Variants in DMD observed in about 807,000 individuals in gnomAD.
The protein encoded by DMD is dystrophin.
In DMD, 63 loss-of-function variants were observed where a neutral mutation model predicts 330.1. The ratio of observed to expected loss-of-function variants is 0.19; its 90% CI spans 0.16 to 0.24. The LOEUF is 0.24. Among genes scored for constraint, DMD ranks in the 10% least tolerant of loss-of-function variants. The pLI, the probability that DMD is intolerant of heterozygous loss-of-function variation, is 1.00. For synonymous variants in DMD, 1,223 were observed against 959.8 expected (o/e 1.27, Z -5.07); for missense variants, 3,344 against 2,684.1 (o/e 1.25, Z -5.43).
At chrX:31,440,580 T>G (rs547225755) in intron 60 of DMD, among the ~76,000 whole-genome samples, 1 of 112,341 alleles carries the variant, frequency 8.9e-6, no homozygotes, top group African/African-American at 3.2e-5. Flanking sequence ...ACTGTGGTAC[T>G]TCATGTTTCT....
intron 47 of DMD, among the ~76,000 whole-genome samples, chrX:31,922,495 GGTGTGT>G (rs765621749): frequency 7.2e-5 from 7 of 97,497 alleles, no homozygotes; most frequent in South Asian, 4.7e-4. Flanking sequence ...ACTTGAGACT[GGTGTGT>G]GTGTGTGTGT....
chrX:33,118,112 C>CTTT (rs373799098), intron 1 of DMD, among the ~76,000 whole-genome samples: 1,821 of 90,371 alleles, frequency 0.02, 67 homozygotes, highest in African/African-American at 0.07. Context: ...GTTCAAGACT[C>CTTT]TTTTTTTTTT....
intron 64 of DMD, among the ~76,000 whole-genome samples, chrX:31,212,156 ATATATATATATGTGTGTGTGTATGTG>A (rs1477571563): frequency 3.9e-5 from 3 of 76,985 alleles, no homozygotes; most frequent in Admixed American, 1.5e-4. Flanking sequence ...TTATATATAT[ATATATATATATGTGTGTGTGTATGTG>A]TGTGTGTGTG....
At position 32,278,506 on chromosome X, in the gene DMD, T is replaced by A. The variant is rs139873896; in HGVS notation, c.6290+9023A>T. Among the ~76,000 whole-genome samples the A allele has an allele frequency of 2.4e-3, 264 of 111,093 alleles. 2 individuals carry two copies. The highest frequency in any genetic ancestry group is 9.5e-3 in the Admixed American group (99 of 10,403). On this transcript the variant is annotated intron_variant, in intron 43 of 78. Coordinates refer to ENST00000357033, the MANE Select transcript of DMD (RefSeq NM_004006.3). ...TCTGACAAAGGGCTAATATCCAGAA[T>A]CTACAATGAACTCAAACAAACGTAC...
intron 60 of DMD, among the ~76,000 whole-genome samples, chrX:31,399,174 T>C (rs2061076131): frequency 1.8e-5 from 2 of 109,845 alleles, no homozygotes; most frequent in South Asian, 8.1e-4. Context: ...CATGAACAAA[T>C]TGAAGATGGT....
chrX:32,067,351 T>C (rs1379877887), intron 44 of DMD, among the ~76,000 whole-genome samples: 5 of 111,117 alleles, frequency 4.5e-5, no homozygotes, highest in African/African-American at 1.6e-4. Flanking sequence ...TTATATGACA[T>C]CTTTTTTTTT....
At position 31,765,442 on chromosome X, in the gene DMD, T is replaced by C. The variant is rs778620191; in HGVS notation, c.7542+8518A>G. Among the ~76,000 whole-genome samples, 5 of 111,781 alleles carry C rather than the reference T, an allele frequency of 4.5e-5. No individual in the cohort carries two copies. In the East Asian group the frequency reaches 1.4e-3, roughly 31 times the overall value. On this transcript the variant is annotated intron_variant, in intron 51 of 78. Transcript: ENST00000357033. The stretch of plus-strand genomic sequence containing the variant: ...TAAGAGCAGATAACACTGATGCCTT[T>C]CACCAGCAAGTGTTCAATAAATAAC...
intron 75 of DMD, among the ~76,000 whole-genome samples, chrX:31,146,929 A>G (rs2242311): frequency 0.11 from 11,899 of 111,848 alleles, 1,061 homozygotes; most frequent in African/African-American, 0.29. Flanking sequence ...ACAAAGGTAT[A>G]CCAGAAAATA....
At chrX:32,811,598 G>A (rs1428020404) in intron 6 of DMD, among the ~76,000 whole-genome samples, 1 of 111,747 alleles carries the variant, frequency 8.9e-6, no homozygotes, top group Non-Finnish European at 1.9e-5. Flanking sequence ...CGAGAGAATG[G>A]ATGAGCACAT....
At chrX:33,263,438 A>AATAT (rs765418939) in intron 1 of DMD, among the ~76,000 whole-genome samples, 40 of 103,937 alleles carry the variant, frequency 3.8e-4, no homozygotes, top group African/African-American at 1.1e-3. Flanking sequence ...CTTTTTAAAA[A>AATAT]ATATATATAT....
chrX:32,567,343 C>A (rs1006680185), intron 15 of DMD, among the ~76,000 whole-genome samples: 1 of 112,213 alleles, frequency 8.9e-6, no homozygotes, highest in East Asian at 2.8e-4. Context: ...ATATTATACA[C>A]TGAATTCAAA....
chrX:31,850,278 T>C (rs924130619), intron 48 of DMD, among the ~76,000 whole-genome samples: 1 of 112,509 alleles, frequency 8.9e-6, no homozygotes, highest in Non-Finnish European at 1.9e-5. Context: ...AACCTACACT[T>C]TGTAAACATT....
In DMD at chrX:32,573,895, C is replaced by T. The variant is rs186987260; in HGVS notation, c.1603-49G>A. The stretch of plus-strand genomic sequence containing the variant: ...AGCATCAGCAAACAATTGGTAACTA[C>T]GTTTTATTAAAAATGGCATGAATAA... On this transcript the variant is annotated intron_variant, in intron 13 of 78. Coordinates refer to ENST00000357033, the MANE Select transcript of DMD (RefSeq NM_004006.3). 52 of 1,062,631 alleles carry T rather than the reference C, an allele frequency of 4.9e-5. No homozygotes were observed. The Admixed American group carries it at 7.0e-4, about 14-fold the overall frequency. The allele number at this position is 1,062,631 out of a possible 1,213,427, so 87.6% of individuals were successfully genotyped here.
At chrX:31,924,932 ATTT>A (rs757796527) in intron 47 of DMD, among the ~76,000 whole-genome samples, 2 of 112,247 alleles carry the variant, frequency 1.8e-5, no homozygotes, top group East Asian at 5.6e-4. Flanking sequence ...ATTTAAACTT[ATTT>A]AACAAAATGA....
chrX:32,380,764 TTCTG>T, intron 33 of DMD, 84 bp from the exon 34 acceptor site: 1 of 752,396 alleles, frequency 1.3e-6, no homozygotes, highest in Non-Finnish European at 2.0e-6. Flanking sequence ...ACTTTTATAT[TTCTG>T]TTATTTAAAA....
At chrX:32,781,742 A>G (rs979117627) in intron 7 of DMD, among the ~76,000 whole-genome samples, 1 of 111,115 alleles carries the variant, frequency 9.0e-6, no homozygotes, top group South Asian at 3.8e-4. Context: ...ACACACATAC[A>G]TCCGCATACT....
At chrX:31,566,682 T>C (rs751929118) in intron 55 of DMD, among the ~76,000 whole-genome samples, 24 of 111,852 alleles carry the variant, frequency 2.1e-4, no homozygotes, top group African/African-American at 7.8e-4. Flanking sequence ...TTAGATTGAT[T>C]TGAGAAGAAC....
At chrX:31,358,447 C>A (rs375859536) in intron 60 of DMD, among the ~76,000 whole-genome samples, 1 of 111,575 alleles carries the variant, frequency 9.0e-6, no homozygotes, top group Non-Finnish European at 1.9e-5. Context: ...GTGCACTGTG[C>A]CTCAACTCTC....
chrX:33,105,647 A>T (rs1038919330), intron 1 of DMD, among the ~76,000 whole-genome samples: 1 of 112,409 alleles, frequency 8.9e-6, no homozygotes, highest in Non-Finnish European at 1.9e-5. Flanking sequence ...GAAGATATAC[A>T]AATGATCAAC....
Sources: allele counts gnomAD v4.1 joint callset (sites outside exome capture counted in the v4.1 genomes callset), GRCh38; gene constraint gnomAD v4.1.1; transcripts MANE v1.5; gene names NCBI Gene and HGNC (gene_info 2026-07-23, HGNC 2026-07-21).